The following FAM53A variants were observed in gnomAD, a reference collection of about 807,000 sequenced individuals.
The protein encoded by FAM53A is protein FAM53A.
Under a neutral mutation model 26.6 loss-of-function variants are expected in FAM53A, and 28 were observed. The observed-to-expected ratio is 1.05, with a 90% CI of 0.78 to 1.45. FAM53A has a LOEUF of 1.45. Among genes scored for constraint, FAM53A ranks in the 40% most tolerant of loss-of-function variants. The probability of loss-of-function intolerance (pLI) is 0.00; values close to 1 mark genes in which losing one functional copy is unlikely to be tolerated. For missense variants in FAM53A, 650 were observed against 575.8 expected, an observed-to-expected ratio of 1.13 and a Z score of -1.32; for synonymous variants, 290 against 253.1, an observed-to-expected ratio of 1.15 and a Z score of -1.38.
At chr4:1,627,525 C>T (rs1577087057) in intron 1 of FAM53A, among the ~76,000 whole-genome samples, 1 of 152,180 alleles carries the variant, frequency 6.6e-6, no homozygotes, top group African/African-American at 2.4e-5. Flanking sequence ...GGCCACAGCT[C>T]CCCAGCAGAC....
the FAM53A span, among the ~76,000 whole-genome samples, chr4:1,576,709 G>T: frequency 0.021 from 3,244 of 152,342 alleles, 108 homozygotes; most frequent in African/African-American, 0.074. Context: ...GGGGCGACTG[G>T]GACTGTGCCC....
In FAM53A at chr4:1,623,042, C is replaced by T. The variant is rs28634486; in HGVS notation, c.432-4931G>A. 7.1e-3 allele frequency among the ~76,000 whole-genome samples: 1,076 copies of T among 152,360 alleles called. 4 individuals carry two copies. Among genetic ancestry groups the T allele is most frequent in the African/African-American group, 0.024 (1,013 of 41,596 alleles). On this transcript the variant is annotated intron_variant, in intron 1 of 1. Transcript: ENST00000489029. ...GGCACAGGCGCTGAAGCAGCCCCCACGGTCACAGGGCTGACAGTGGCACCT... is the reference window on the plus strand; with the variant it reads ...GGCACAGGCGCTGAAGCAGCCCCCATGGTCACAGGGCTGACAGTGGCACCT...
At chr4:1,597,580 A>G in the FAM53A span, among the ~76,000 whole-genome samples, 83,908 of 152,020 alleles carry the variant, frequency 0.55, 23,557 homozygotes, top group Admixed American at 0.61. Context: ...GGGTCCCTAA[A>G]CAGTCCCAAG....
At chr4:1,597,671 G>T in the FAM53A span, among the ~76,000 whole-genome samples, 1 of 38,230 alleles carries the variant, frequency 2.6e-5, no homozygotes, top group Admixed American at 3.8e-4. Flanking sequence ...GCTGCAGGGA[G>T]CACCTGGGTG....
intron 1 of FAM53A, among the ~76,000 whole-genome samples, chr4:1,670,944 G>C (rs1015278858): frequency 6.2e-5 from 9 of 145,156 alleles, no homozygotes; most frequent in South Asian, 2.2e-4. Flanking sequence ...CTCTGTCCCA[G>C]CGTCAGAGCC....
At chr4:1,672,349 G>GAACCCAGGAACCCATAGACCCAGGA (rs1560202064) in intron 1 of FAM53A, among the ~76,000 whole-genome samples, 4 of 134,632 alleles carry the variant, frequency 3.0e-5, no homozygotes, top group Non-Finnish European at 4.8e-5. Context: ...TAGACCCATG[G>GAACCCAGGAACCCATAGACCCAGGA]ACCCAGGAAC....
At chr4:1,603,537 A>ATC in the FAM53A span, among the ~76,000 whole-genome samples, 1 of 152,018 alleles carries the variant, frequency 6.6e-6, no homozygotes, top group Non-Finnish European at 1.5e-5. Context: ...CCGGCACCCC[A>ATC]TCCCTCTGCC....
intron 1 of FAM53A, among the ~76,000 whole-genome samples, chr4:1,680,810 G>A (rs1296573356): frequency 6.6e-6 from 1 of 151,236 alleles, no homozygotes; most frequent in Non-Finnish European, 1.5e-5. Context: ...AAAAAAAACC[G>A]TGGCTGCCAG....
Position 1,668,804 on chromosome 4 carries a change from G to T in FAM53A, c.-63C>A. 13 of 1,534,122 alleles carry T rather than the reference G, an allele frequency of 8.5e-6. No homozygotes were observed. Among genetic ancestry groups the T allele is most frequent in the Non-Finnish European group, 1.2e-5 (13 of 1,109,608 alleles). The stretch of plus-strand genomic sequence containing the variant: ...ACTGGAGTCCTGGAACATCAGACTT[G>T]CGAAGGCCCCAGCATTGCTGGGTCA... On this transcript the variant is annotated 5_prime_UTR_variant, in exon 2 of 5. Transcript: ENST00000308132.
At chr4:1,665,478 A>C (rs1714156186) in intron 2 of FAM53A, among the ~76,000 whole-genome samples, 1 of 149,720 alleles carries the variant, frequency 6.7e-6, no homozygotes, top group Non-Finnish European at 1.5e-5. Flanking sequence ...ACAGGGCAAG[A>C]CTCCATCTCA....
At chr4:1,615,715 T>A (rs1714790384), downstream of FAM53A, among the ~76,000 whole-genome samples, 1 of 152,234 alleles carries the variant, frequency 6.6e-6, no homozygotes, top group Non-Finnish European at 1.5e-5. Flanking sequence ...TCCTCACATG[T>A]CCAAGAATGA....
downstream of FAM53A, among the ~76,000 whole-genome samples, chr4:1,617,746 T>G (rs906403869): frequency 6.6e-6 from 1 of 152,200 alleles, no homozygotes; most frequent in Admixed American, 6.5e-5. Context: ...GAGGATGTCT[T>G]GACGCCCCTT....
intron 4 of FAM53A, among the ~76,000 whole-genome samples, chr4:1,651,875 G>A (rs1712819172): frequency 1.3e-5 from 2 of 151,942 alleles, no homozygotes; most frequent in South Asian, 4.1e-4. Context: ...CCCAGTCCTA[G>A]GGGTCACGGC....
chr4:1,578,146 C>CG, the FAM53A span, among the ~76,000 whole-genome samples: 4 of 152,156 alleles, frequency 2.6e-5, no homozygotes, highest in Non-Finnish European at 4.4e-5. Context: ...CAGGCCCCCC[C>CG]CAAGCCTGGA....
the FAM53A span, among the ~76,000 whole-genome samples, chr4:1,598,437 C>T: frequency 2.6e-5 from 4 of 152,254 alleles, no homozygotes; most frequent in East Asian, 5.8e-4. Flanking sequence ...AAAGCAGAGG[C>T]TGACGGGGGC....
chr4:1,655,893 G>A (rs576601935), intron 3 of FAM53A, among the ~76,000 whole-genome samples, 170 bp from the exon 4 acceptor site: 45 of 152,150 alleles, frequency 3.0e-4, no homozygotes, highest in Non-Finnish European at 5.7e-4. Context: ...CACCAGCCCC[G>A]CCTGCCCTTG....
chr4:1,679,242 C>T (rs980196496), intron 1 of FAM53A, among the ~76,000 whole-genome samples: 1 of 151,584 alleles, frequency 6.6e-6, no homozygotes, highest in Admixed American at 6.6e-5. Flanking sequence ...CAAAAATTAG[C>T]CGGGCGTGTG....
upstream of FAM53A, among the ~76,000 whole-genome samples, chr4:1,684,783 T>TCGCCCTCTCGGGTCGCA (rs1195181282): frequency 1.3e-5 from 2 of 152,268 alleles, no homozygotes; most frequent in African/African-American, 4.8e-5. Context: ...GGCAGGTCGC[T>TCGCCCTCTCGGGTCGCA]CGCCCTCTCG....
intron 2 of FAM53A, among the ~76,000 whole-genome samples, chr4:1,667,634 G>A (rs942642112): frequency 1.2e-4 from 19 of 152,116 alleles, no homozygotes; most frequent in Admixed American, 4.6e-4. Flanking sequence ...AACCCCCTGC[G>A]GTGAAGATGG....
Sources: allele counts gnomAD v4.1 joint callset (sites outside exome capture counted in the v4.1 genomes callset), GRCh38; gene constraint gnomAD v4.1.1; transcripts MANE v1.5; gene names NCBI Gene and HGNC (gene_info 2026-07-23, HGNC 2026-07-21).